GNA14: variants seen among roughly 807,000 people sequenced by gnomAD.
GNA14 encodes the protein guanine nucleotide-binding protein subunit alpha-14.
Under a neutral mutation model 42.0 loss-of-function variants are expected in GNA14, and 50 were observed. The ratio of observed to expected loss-of-function variants is 1.19; its 90% CI spans 0.95 to 1.51. GNA14 has a LOEUF of 1.51. Ranked by LOEUF, GNA14 falls within the 40% of genes most tolerant of loss-of-function variation. The pLI is 0.00. For synonymous variants in GNA14, 173 were observed against 163.1 expected, an observed-to-expected ratio of 1.06 and a Z score of -0.46; for missense variants, 473 against 446.2, an observed-to-expected ratio of 1.06 and a Z score of -0.54.
At chr9:77,597,019 G>A (rs1196217616) in intron 1 of GNA14, among the ~76,000 whole-genome samples, 1 of 152,208 alleles carries the variant, frequency 6.6e-6, no homozygotes, top group African/African-American at 2.4e-5. Flanking sequence ...TTGGGCACAT[G>A]TCAACAGGAC....
At chr9:77,543,812 T>C (rs1470075441) in intron 1 of GNA14, among the ~76,000 whole-genome samples, 2 of 152,186 alleles carry the variant, frequency 1.3e-5, no homozygotes, top group African/African-American at 4.8e-5. Context: ...AGTGTGAATA[T>C]CTACTTGCTA....
intron 2 of GNA14, among the ~76,000 whole-genome samples, chr9:77,505,047 G>A (rs1310600137): frequency 6.6e-6 from 1 of 152,078 alleles, no homozygotes; most frequent in Non-Finnish European, 1.5e-5. Context: ...CCTTGCCTGG[G>A]AGAATGTAGA....
At chr9:77,621,970 G>A (rs896090640) in intron 1 of GNA14, among the ~76,000 whole-genome samples, 2 of 151,988 alleles carry the variant, frequency 1.3e-5, no homozygotes, top group African/African-American at 4.8e-5. Context: ...CTGTTGCCCA[G>A]GCTGGAGTGC....
chr9:77,585,314 G>A (rs750316239), intron 1 of GNA14, among the ~76,000 whole-genome samples: 21 of 152,134 alleles, frequency 1.4e-4, no homozygotes, highest in Admixed American at 9.8e-4. Context: ...TACAGACACA[G>A]AAGTTCCAAA....
intron 2 of GNA14, among the ~76,000 whole-genome samples, chr9:77,493,024 A>ATATATATAT (rs1424877123): frequency 1.4e-5 from 1 of 73,482 alleles, no homozygotes; most frequent in African/African-American, 6.6e-5. Flanking sequence ...AAAAAAAAAA[A>ATATATATAT]AAATATATAT....
intron 2 of GNA14, among the ~76,000 whole-genome samples, chr9:77,480,440 G>T (rs1037189378): frequency 1.3e-5 from 2 of 152,144 alleles, no homozygotes; most frequent in Non-Finnish European, 2.9e-5. Context: ...ATGTGCTGCT[G>T]GATTCGGTTT....
intron 1 of GNA14, among the ~76,000 whole-genome samples, chr9:77,554,380 C>T (rs939137637): frequency 2.0e-5 from 3 of 152,152 alleles, no homozygotes; most frequent in African/African-American, 4.8e-5. Flanking sequence ...ATTCTATCCC[C>T]TCTTGGTTAT....
At chr9:77,610,179 T>C (rs1823707689) in intron 1 of GNA14, among the ~76,000 whole-genome samples, 1 of 152,182 alleles carries the variant, frequency 6.6e-6, no homozygotes, top group Non-Finnish European at 1.5e-5. Context: ...TTTGGGTTCA[T>C]TTATTTCCCC....
intron 2 of GNA14, among the ~76,000 whole-genome samples, chr9:77,498,824 G>T (rs1451341685): frequency 6.6e-6 from 1 of 152,174 alleles, no homozygotes; most frequent in Non-Finnish European, 1.5e-5. Flanking sequence ...CGGGGTGTGG[G>T]TGTTTGGGTA....
chr9:77,603,943 CAAAAAAAAAAAACA>C (rs1823608577), intron 1 of GNA14, among the ~76,000 whole-genome samples: 3 of 40,200 alleles, frequency 7.5e-5, no homozygotes, highest in African/African-American at 1.6e-4. Flanking sequence ...GACTCCATCT[CAAAAAAAAAAAACA>C]AAAAAAAAAA....
Position 77,647,804 on chromosome 9 carries a change from G to A in GNA14, c.-11C>T, listed in dbSNP as rs1291732535. The A allele has an allele frequency of 5.6e-6, 9 of 1,606,280 alleles. No individual in the cohort carries two copies. The East Asian group carries it at 2.0e-4, about 36-fold the overall frequency. Reference sequence around the variant, plus strand: ...GCAGCAGCCGGCCATGGTGCGCTCAGCTCAGTACCCGACGGGGCGACGCGG... The same window carrying A: ...GCAGCAGCCGGCCATGGTGCGCTCAACTCAGTACCCGACGGGGCGACGCGG... On this transcript the variant is annotated 5_prime_UTR_variant, in exon 1 of 7. Transcript: ENST00000341700.
At chr9:77,634,879 TC>T (rs1824156827) in intron 1 of GNA14, among the ~76,000 whole-genome samples, 1 of 152,188 alleles carries the variant, frequency 6.6e-6, no homozygotes, top group Non-Finnish European at 1.5e-5. Context: ...TGAGCAGAGA[TC>T]TCATGGAGTT....
At chr9:77,571,464 C>A (rs1243401320) in intron 1 of GNA14, among the ~76,000 whole-genome samples, 1 of 152,132 alleles carries the variant, frequency 6.6e-6, no homozygotes, top group Non-Finnish European at 1.5e-5. Context: ...CCACATGTGG[C>A]TGTTGAGCAC....
chr9:77,550,308 C>G (rs146633040), intron 1 of GNA14, among the ~76,000 whole-genome samples: 1 of 152,300 alleles, frequency 6.6e-6, no homozygotes, highest in East Asian at 1.9e-4. Flanking sequence ...AAAGAAAGAT[C>G]TCACTTCGAT....
At chr9:77,471,983 T>C (rs1013335668) in intron 2 of GNA14, among the ~76,000 whole-genome samples, 2 of 152,208 alleles carry the variant, frequency 1.3e-5, no homozygotes, top group South Asian at 4.1e-4. Flanking sequence ...TGTTTCCCCA[T>C]GGAATCACCA....
chr9:77,514,035 T>G (rs1470156812), intron 2 of GNA14, among the ~76,000 whole-genome samples: 1 of 152,128 alleles, frequency 6.6e-6, no homozygotes, highest in Non-Finnish European at 1.5e-5. Context: ...AGACTTAACT[T>G]TTCCTGGAAG....
chr9:77,608,732 G>GTTTTTGTT (rs1823678988), intron 1 of GNA14, among the ~76,000 whole-genome samples: 1 of 121,166 alleles, frequency 8.3e-6, no homozygotes, highest in African/African-American at 3.0e-5. Flanking sequence ...CCAATATCCT[G>GTTTTTGTT]TTTTTTTTTT....
intron 2 of GNA14, among the ~76,000 whole-genome samples, chr9:77,440,844 T>C (rs1156900372): frequency 2.0e-5 from 3 of 152,034 alleles, no homozygotes; most frequent in African/African-American, 7.3e-5. Context: ...TCCCCCTGAG[T>C]AGCTGGGATT....
chr9:77,602,267 A>G (rs1273473483), intron 1 of GNA14, among the ~76,000 whole-genome samples: 1 of 152,224 alleles, frequency 6.6e-6, no homozygotes, highest in East Asian at 1.9e-4. Context: ...CATTGGAATC[A>G]CTATCCATGA....
Sources: allele counts gnomAD v4.1 joint callset (sites outside exome capture counted in the v4.1 genomes callset), GRCh38; gene constraint gnomAD v4.1.1; transcripts MANE v1.5; gene names NCBI Gene and HGNC (gene_info 2026-07-23, HGNC 2026-07-21).